The following TLCD4 variants were observed in gnomAD, a reference collection of about 807,000 sequenced individuals.
TLCD4 encodes the protein TLC domain-containing protein 4.
In TLCD4, 7 loss-of-function variants were observed where a neutral mutation model predicts 24.2. The observed-to-expected ratio is 0.29, with a 90% CI of 0.16 to 0.54. The LOEUF (loss-of-function observed/expected upper bound fraction) is 0.54, where lower values mean the gene tolerates loss of function less well. Among genes scored for constraint, TLCD4 ranks in the 20% least tolerant of loss-of-function variants. The pLI is 0.95. For missense variants in TLCD4, 259 were observed against 313.9 expected (o/e 0.82, Z 1.32); for synonymous variants, 103 against 106.4 (o/e 0.97, Z 0.20).
intron 1 of TLCD4, among the ~76,000 whole-genome samples, chr1:95,135,248 G>C (rs962682673): frequency 2.0e-5 from 3 of 152,132 alleles, no homozygotes; most frequent in Non-Finnish European, 2.9e-5. Flanking sequence ...CCTGCCTTCT[G>C]CAGACAACCC....
rs1486448789 is a variant in TLCD4, at chr1:95,180,134, C to T, written c.473+6245C>T. Among the ~76,000 whole-genome samples the T allele has an allele frequency of 3.3e-5, 5 of 152,276 alleles. No homozygotes were observed. The East Asian group carries it at 9.6e-4, about 29-fold the overall frequency. ...ATTTGATTGCTTTTTGAATGAATGACTCCCAAGAGGTGATAAGTTAAGCTT... is the reference window on the plus strand; with the variant it reads ...ATTTGATTGCTTTTTGAATGAATGATTCCCAAGAGGTGATAAGTTAAGCTT... On this transcript the variant is annotated intron_variant, in intron 6 of 6. Transcript: ENST00000370203.
chr1:95,152,064 A>G (rs1280711388), intron 5 of TLCD4, among the ~76,000 whole-genome samples: 1 of 152,134 alleles, frequency 6.6e-6, no homozygotes, highest in East Asian at 1.9e-4. Flanking sequence ...AGATATTGCA[A>G]CTGCAATTTT....
intron 1 of TLCD4, among the ~76,000 whole-genome samples, chr1:95,130,267 C>G (rs1175116475): frequency 6.8e-6 from 1 of 147,966 alleles, no homozygotes; most frequent in South Asian, 2.2e-4. Flanking sequence ...ATTCTCCTGT[C>G]TCAGCCTTCC....
At chr1:95,099,457 C>T in the TLCD4 span, among the ~76,000 whole-genome samples, 1 of 148,792 alleles carries the variant, frequency 6.7e-6, no homozygotes, top group Non-Finnish European at 1.5e-5. Flanking sequence ...GTCATTTTGT[C>T]AATTGTGCTA....
chr1:95,162,329 C>T (rs975963781), intron 5 of TLCD4, among the ~76,000 whole-genome samples: 1 of 133,978 alleles, frequency 7.5e-6, no homozygotes, highest in African/African-American at 2.4e-5. Flanking sequence ...GCAACCCCTG[C>T]TTTTTTTTGC....
the TLCD4 span, among the ~76,000 whole-genome samples, chr1:95,105,821 C>T: frequency 7.0e-6 from 1 of 141,972 alleles, no homozygotes; most frequent in Non-Finnish European, 1.5e-5. Flanking sequence ...CGTGAACCCG[C>T]GAGGCGGAGT....
At chr1:95,149,144 T>G (rs1431881997) in intron 3 of TLCD4, among the ~76,000 whole-genome samples, 1 of 152,198 alleles carries the variant, frequency 6.6e-6, no homozygotes, top group Non-Finnish European at 1.5e-5. Flanking sequence ...AATATCTACT[T>G]AAGACTTTTT....
At chr1:95,172,125 C>G (rs1678251062) in intron 5 of TLCD4, among the ~76,000 whole-genome samples, 1 of 152,196 alleles carries the variant, frequency 6.6e-6, no homozygotes, top group Non-Finnish European at 1.5e-5. Context: ...TCTTGGACTT[C>G]TAGCTTCCGT....
At chr1:95,113,822 G>C (rs1180527597), upstream of TLCD4, among the ~76,000 whole-genome samples, 1 of 151,990 alleles carries the variant, frequency 6.6e-6, no homozygotes, top group Non-Finnish European at 1.5e-5. Context: ...AGGCTAAATG[G>C]GGAGGATTGT....
chr1:95,102,376 T>C, the TLCD4 span, among the ~76,000 whole-genome samples: 77,682 of 151,908 alleles, frequency 0.51, 21,337 homozygotes, highest in Non-Finnish European at 0.6. Context: ...ATAGGGAGTC[T>C]GACTGACAGA....
chr1:95,183,889 G>C (rs1678739203), intron 6 of TLCD4, among the ~76,000 whole-genome samples: 1 of 151,898 alleles, frequency 6.6e-6, no homozygotes, highest in South Asian at 2.1e-4. Context: ...CAAGATTGGA[G>C]AATCAGAGAA....
chr1:95,143,899 A>G lies in TLCD4; in HGVS notation c.-3A>G. ...GTCATTTATCTTAACAGGTTGAAGA[A>G]ATATGGAGATCAACACAAAACTGCT... On this transcript the variant is annotated 5_prime_UTR_variant, in exon 2 of 7. Coordinates refer to ENST00000370203, the MANE Select transcript of TLCD4 (RefSeq NM_152487.3). 2 of 1,415,772 alleles carry G rather than the reference A, an allele frequency of 1.4e-6. No individual in the cohort carries two copies. The highest frequency in any genetic ancestry group is 2.9e-5 in the African/African-American group (2 of 68,004). 87.7% of individuals were successfully genotyped at this position (1,415,772 alleles called of 1,614,324 possible). A position where few individuals can be genotyped will look rare whatever the true frequency, so the allele number is the denominator to read the frequency against.
chr1:95,119,286 G>A (rs1676509981), intron 1 of TLCD4, among the ~76,000 whole-genome samples: 1 of 152,196 alleles, frequency 6.6e-6, no homozygotes, highest in Admixed American at 6.5e-5. Context: ...ACAGATGCAA[G>A]AGTTGGCCTG....
the TLCD4 span, among the ~76,000 whole-genome samples, chr1:95,112,273 A>C: frequency 6.6e-6 from 1 of 152,204 alleles, no homozygotes; most frequent in African/African-American, 2.4e-5. Flanking sequence ...GATAAGAAAG[A>C]TACAGAGATG....
At chr1:95,169,206 T>C (rs961503815) in intron 5 of TLCD4, among the ~76,000 whole-genome samples, 1 of 152,184 alleles carries the variant, frequency 6.6e-6, no homozygotes, top group African/African-American at 2.4e-5. Context: ...CCATTCAGTA[T>C]GTCTTGGATG....
At chr1:95,109,404 T>TA in the TLCD4 span, among the ~76,000 whole-genome samples, 1 of 61,222 alleles carries the variant, frequency 1.6e-5, no homozygotes, top group Admixed American at 1.9e-4. Context: ...ACTTTTTCTC[T>TA]CCAAAACCTG....
intron 2 of TLCD4, among the ~76,000 whole-genome samples, chr1:95,145,173 T>G (rs1677311922): frequency 6.6e-6 from 1 of 152,192 alleles, no homozygotes; most frequent in African/African-American, 2.4e-5. Flanking sequence ...TATTTTTTGT[T>G]GTTGCTATTT....
intron 3 of TLCD4, 139 bp downstream of exon 3, chr1:95,148,930 A>G (rs906421698): frequency 8.4e-7 from 1 of 1,189,404 alleles, no homozygotes. Context: ...CAGACATTCT[A>G]GCAAAGTGCA....
chr1:95,107,371 C>T, the TLCD4 span, among the ~76,000 whole-genome samples: 4 of 152,138 alleles, frequency 2.6e-5, no homozygotes, highest in South Asian at 6.2e-4. Context: ...TGCAGTGAGC[C>T]GAGATTGCGC....
Sources: allele counts gnomAD v4.1 joint callset (sites outside exome capture counted in the v4.1 genomes callset), GRCh38; gene constraint gnomAD v4.1.1; transcripts MANE v1.5; gene names NCBI Gene and HGNC (gene_info 2026-07-23, HGNC 2026-07-21).